PSD3: variants seen among roughly 807,000 people sequenced by gnomAD.
PSD3 encodes the protein PH and SEC7 domain-containing protein 3.
In PSD3, 49 loss-of-function variants were observed where a neutral mutation model predicts 105.5. That is an observed-to-expected ratio of 0.46 (90% CI 0.37 to 0.59). The LOEUF (loss-of-function observed/expected upper bound fraction) is 0.59. Among genes scored for constraint, PSD3 ranks in the 20% least tolerant of loss-of-function variants. The pLI, the probability that PSD3 is intolerant of heterozygous loss-of-function variation, is 0.00. For synonymous variants in PSD3, 557 were observed against 457.8 expected, an observed-to-expected ratio of 1.22 and a Z score of -2.77; for missense variants, 1,561 against 1,263.8, an observed-to-expected ratio of 1.24 and a Z score of -3.57.
At chr8:18,890,826 A>T (rs1818739520) in intron 2 of PSD3, among the ~76,000 whole-genome samples, 1 of 146,810 alleles carries the variant, frequency 6.8e-6, no homozygotes, top group African/African-American at 2.5e-5. Context: ...AGGGTGGGGG[A>T]GGGGGAACAA....
intron 8 of PSD3, among the ~76,000 whole-genome samples, chr8:18,787,805 T>C (rs539259114): frequency 4.6e-5 from 7 of 152,246 alleles, no homozygotes; most frequent in African/African-American, 1.4e-4. Context: ...GAAGAACTTA[T>C]CCTCAATATG....
chr8:18,734,108 C>A (rs1803975297), intron 9 of PSD3: 1 of 152,100 alleles, frequency 6.6e-6, no homozygotes, highest in African/African-American at 2.4e-5. Context: ...CTAGATAATT[C>A]TTAATATTGA....
chr8:19,069,672 A>G (rs1829190092), intron 1 of PSD3, among the ~76,000 whole-genome samples: 1 of 152,170 alleles, frequency 6.6e-6, no homozygotes, highest in South Asian at 2.1e-4. Flanking sequence ...AATCTTTTGT[A>G]AAAAGAATGT....
chr8:18,752,125 T>G (rs1241622537), intron 9 of PSD3, among the ~76,000 whole-genome samples: 1 of 151,312 alleles, frequency 6.6e-6, no homozygotes, highest in Non-Finnish European at 1.5e-5. Flanking sequence ...GAGGCGGAGG[T>G]TGCAGTGAGC....
At chr8:18,681,632 A>G (rs192932851) in intron 9 of PSD3, among the ~76,000 whole-genome samples, 2 of 152,220 alleles carry the variant, frequency 1.3e-5, no homozygotes, top group Admixed American at 6.5e-5. Flanking sequence ...CTATTATAGT[A>G]TAATTAAGTT....
At chr8:18,599,754 A>G (rs1804297169) in intron 12 of PSD3, among the ~76,000 whole-genome samples, 1 of 152,140 alleles carries the variant, frequency 6.6e-6, no homozygotes, top group South Asian at 2.1e-4. Flanking sequence ...TTATATGTGG[A>G]TTCAACAGGG....
At chr8:18,861,066 G>T (rs1816399820) in intron 4 of PSD3, among the ~76,000 whole-genome samples, 1 of 152,062 alleles carries the variant, frequency 6.6e-6, no homozygotes. Flanking sequence ...TGAAATCCAG[G>T]ACCATTTCCT....
At chr8:18,713,679 C>G (rs1310786536) in intron 9 of PSD3, among the ~76,000 whole-genome samples, 4 of 152,194 alleles carry the variant, frequency 2.6e-5, no homozygotes, top group African/African-American at 9.6e-5. Flanking sequence ...TAGTAAGGAT[C>G]AGTATCATGA....
chr8:18,677,380 C>G (rs1308426217), intron 9 of PSD3, among the ~76,000 whole-genome samples: 1 of 152,078 alleles, frequency 6.6e-6, no homozygotes, highest in African/African-American at 2.4e-5. Context: ...GAATTAAAGA[C>G]CAGCCTGGCC....
chr8:18,797,100 G>A (rs919134308), intron 8 of PSD3, among the ~76,000 whole-genome samples: 1 of 151,930 alleles, frequency 6.6e-6, no homozygotes, highest in Admixed American at 6.6e-5. Flanking sequence ...GAATCCAGAG[G>A]AGAAAGATAG....
intron 2 of PSD3, among the ~76,000 whole-genome samples, chr8:18,892,907 G>A (rs532075993): frequency 6.6e-6 from 1 of 152,234 alleles, no homozygotes; most frequent in African/African-American, 2.4e-5. Context: ...TTACAGATGT[G>A]AGCAACCGTG....
intron 8 of PSD3, among the ~76,000 whole-genome samples, chr8:18,766,121 G>A (rs1193448919): frequency 1.3e-5 from 2 of 152,258 alleles, no homozygotes; most frequent in Admixed American, 6.5e-5. Flanking sequence ...ATTACTTGAG[G>A]TCAAGAGTTT....
At chr8:19,043,120 A>G (rs1828183152) in intron 1 of PSD3, among the ~76,000 whole-genome samples, 1 of 152,224 alleles carries the variant, frequency 6.6e-6, no homozygotes, top group South Asian at 2.1e-4. Flanking sequence ...GTAAAGACCC[A>G]AGACTTGAAG....
At position 19,027,007 on chromosome 8, in the gene PSD3, G is replaced by A. The variant is rs1157045890; in HGVS notation, c.324+57199C>T. ...GTTTAAGAATTTCTTTGATTTCAGT[G>A]GCTCTAAAGAGAGAAATGTTGTAAA... On this transcript the variant is annotated intron_variant, in intron 1 of 1. Transcript: ENST00000521475. 2.0e-5 allele frequency among the ~76,000 whole-genome samples: 3 copies of A among 152,214 alleles called. No homozygotes were observed. The East Asian group carries it at 5.8e-4, about 29-fold the overall frequency.
chr8:18,650,069 T>G (rs187149671), intron 10 of PSD3, among the ~76,000 whole-genome samples: 2 of 152,350 alleles, frequency 1.3e-5, no homozygotes, highest in East Asian at 3.9e-4. Context: ...TTCTTACAAT[T>G]TGTAAACACT....
At chr8:19,076,041 C>T (rs1033636720) in intron 1 of PSD3, among the ~76,000 whole-genome samples, 6 of 152,218 alleles carry the variant, frequency 3.9e-5, no homozygotes, top group Admixed American at 1.3e-4. Context: ...AAAAGGCAGG[C>T]GCCAGCCAGA....
At chr8:18,956,509 T>G (rs148473087) in intron 1 of PSD3, among the ~76,000 whole-genome samples, 1 of 152,166 alleles carries the variant, frequency 6.6e-6, no homozygotes, top group Non-Finnish European at 1.5e-5. Context: ...TAGAGTATAT[T>G]TAGTTGGTAG....
intron 9 of PSD3, among the ~76,000 whole-genome samples, chr8:18,737,105 C>T (rs1804203894): frequency 6.6e-6 from 1 of 152,192 alleles, no homozygotes; most frequent in Non-Finnish European, 1.5e-5. Context: ...ATACTGTTCT[C>T]TTTCCAGATC....
intron 11 of PSD3, among the ~76,000 whole-genome samples, chr8:18,606,659 G>C (rs1325402052): frequency 1.3e-5 from 2 of 152,044 alleles, no homozygotes; most frequent in Non-Finnish European, 2.9e-5. Context: ...TGCAGAGTGA[G>C]AACAAGGAGA....
Sources: gnomAD v4.1 joint callset for allele counts (sites outside exome capture counted in the v4.1 genomes callset) on GRCh38, gnomAD v4.1.1 for gene constraint, MANE v1.5 for transcripts, NCBI Gene and HGNC (gene_info 2026-07-23, HGNC 2026-07-21) for gene names.